Variants in P4HA1 observed in about 807,000 individuals in gnomAD.
P4HA1 encodes prolyl 4-hydroxylase subunit alpha-1.
In P4HA1, 24 loss-of-function variants were observed where a neutral mutation model predicts 72.8. The ratio of observed to expected loss-of-function variants is 0.33; its 90% confidence interval spans 0.24 to 0.46. The LOEUF (loss-of-function observed/expected upper bound fraction) is 0.46. Ranked by LOEUF, P4HA1 falls within the 20% of genes least tolerant of loss-of-function variation. P4HA1 has a pLI of 1.00. For synonymous variants in P4HA1, 201 were observed against 218.8 expected, an observed-to-expected ratio of 0.92 and a Z score of 0.72; for missense variants, 446 against 640.6, an observed-to-expected ratio of 0.70 and a Z score of 3.28.
At chr10:73,030,590 T>C (rs1170283438) in intron 9 of P4HA1, among the ~76,000 whole-genome samples, 1 of 152,126 alleles carries the variant, frequency 6.6e-6, no homozygotes, top group African/African-American at 2.4e-5. Context: ...AAAAAACTAA[T>C]CAAATTTATT....
chr10:73,021,754 G>T (rs1355594802), intron 10 of P4HA1, among the ~76,000 whole-genome samples: 1 of 152,226 alleles, frequency 6.6e-6, no homozygotes, highest in African/African-American at 2.4e-5. Flanking sequence ...AGCCATGACA[G>T]ACTGTACCTG....
intron 4 of P4HA1, among the ~76,000 whole-genome samples, chr10:73,070,142 CTTTTTTT>C (rs71021546): frequency 0.024 from 1,569 of 64,120 alleles, 36 homozygotes; most frequent in African/African-American, 0.065. Flanking sequence ...GAGACCAGGC[CTTTTTTT>C]TTTTTTTTTT....
At chr10:73,011,650 C>A (rs1333103206) in intron 12 of P4HA1, among the ~76,000 whole-genome samples, 2 of 151,910 alleles carry the variant, frequency 1.3e-5, no homozygotes, top group Admixed American at 6.6e-5. Flanking sequence ...ACCAAAGAAT[C>A]ACAAAAAACA....
Position 73,008,958 on chromosome 10 carries a change from C to T in P4HA1, c.1535-666G>A, listed in dbSNP as rs151032640. The stretch of plus-strand genomic sequence containing the variant: ...CATCAAACCCTGACAATTTTCCTTA[C>T]ATCTCTCTCAAATCTATTTGCTCTC... On this transcript the variant is annotated intron_variant, in intron 14 of 14. Coordinates refer to ENST00000394890, the MANE Select transcript of P4HA1 (RefSeq NM_001017962.3). Among the ~76,000 whole-genome samples the T allele has an allele frequency of 1.8e-3, 271 of 152,168 alleles. 3 individuals carry two copies. The highest frequency in any genetic ancestry group is 6.2e-3 in the African/African-American group (256 of 41,500).
intron 9 of P4HA1, among the ~76,000 whole-genome samples, chr10:73,040,824 T>C: frequency 6.6e-6 from 1 of 152,194 alleles, no homozygotes; most frequent in East Asian, 1.9e-4. Context: ...AGGATTTAGC[T>C]ATTTACAAAC....
chr10:73,050,629 G>A (rs919527950), intron 7 of P4HA1, among the ~76,000 whole-genome samples: 6 of 151,814 alleles, frequency 4.0e-5, no homozygotes, highest in African/African-American at 1.5e-4. Flanking sequence ...GAACCCAAGA[G>A]GCGGAATTTG....
intron 9 of P4HA1, among the ~76,000 whole-genome samples, chr10:73,035,715 G>A (rs1840553579): frequency 1.3e-5 from 2 of 152,176 alleles, no homozygotes; most frequent in Non-Finnish European, 2.9e-5. Context: ...ATTGCTAAAT[G>A]ACTTTTACAT....
intron 9 of P4HA1, among the ~76,000 whole-genome samples, chr10:73,035,497 C>G (rs1450914434): frequency 6.6e-6 from 1 of 152,116 alleles, no homozygotes; most frequent in Non-Finnish European, 1.5e-5. Flanking sequence ...GCCTTGGCAA[C>G]AGAATGAGAC....
At chr10:73,064,496 A>AAAGAAAAGC (rs1221005686) in intron 5 of P4HA1, among the ~76,000 whole-genome samples, 1 of 151,122 alleles carries the variant, frequency 6.6e-6, no homozygotes, top group East Asian at 2.0e-4. Flanking sequence ...TAAAGAAAAT[A>AAAGAAAAGC]AAGAAAATAA....
At chr10:73,027,326 TTCTCAGCAAAC>T (rs1157662100) in intron 10 of P4HA1, among the ~76,000 whole-genome samples, 10 of 151,734 alleles carry the variant, frequency 6.6e-5, no homozygotes, top group African/African-American at 2.4e-4. Flanking sequence ...GAAACCATCA[TTCTCAGCAAAC>T]TCTCACAAGG....
chr10:73,091,959 C>T (rs1279920993), intron 1 of P4HA1, among the ~76,000 whole-genome samples: 1 of 152,174 alleles, frequency 6.6e-6, no homozygotes, highest in Admixed American at 6.5e-5. Flanking sequence ...TGGATTATTG[C>T]TCTGAGGCCC....
At chr10:73,073,982 C>G in intron 2 of P4HA1, 155 bp from the exon 3 acceptor site, 1 of 619,710 alleles carries the variant, frequency 1.6e-6, no homozygotes, top group Non-Finnish European at 2.9e-6. Flanking sequence ...ACCAGATAAA[C>G]CAAAATAAAG....
intron 5 of P4HA1, among the ~76,000 whole-genome samples, chr10:73,057,486 T>C (rs773156881): frequency 6.6e-6 from 1 of 151,572 alleles, no homozygotes; most frequent in Non-Finnish European, 1.5e-5. Context: ...CGAGACTCCA[T>C]CTCTTAAAAA....
At chr10:73,023,040 C>T (rs542126592) in intron 10 of P4HA1, among the ~76,000 whole-genome samples, 95 of 152,138 alleles carry the variant, frequency 6.2e-4, no homozygotes, top group Non-Finnish European at 1.9e-4. Context: ...CTGAAAGTGA[C>T]GGGGAGAATG....
chr10:73,025,788 C>CA (rs1170265006), intron 10 of P4HA1, among the ~76,000 whole-genome samples: 1 of 152,112 alleles, frequency 6.6e-6, no homozygotes, highest in Non-Finnish European at 1.5e-5. Flanking sequence ...AATCAATGTG[C>CA]AAAAATCACA....
chr10:73,035,796 G>A (rs1221457433), intron 9 of P4HA1, among the ~76,000 whole-genome samples: 1 of 152,108 alleles, frequency 6.6e-6, no homozygotes, highest in African/African-American at 2.4e-5. Context: ...TAAAACCCTT[G>A]CCAGTTTCAA....
At chr10:73,013,762 T>C (rs1839958059) in intron 12 of P4HA1, among the ~76,000 whole-genome samples, 2 of 152,196 alleles carry the variant, frequency 1.3e-5, no homozygotes, top group African/African-American at 4.8e-5. Context: ...ATATGCTATT[T>C]CTTCATCTTA....
At chr10:73,029,642 G>GTTT (rs770544011) in intron 10 of P4HA1, among the ~76,000 whole-genome samples, 5 of 146,044 alleles carry the variant, frequency 3.4e-5, no homozygotes, top group African/African-American at 1.2e-4. Flanking sequence ...CCTATGCTTA[G>GTTT]TTTTTTTTTT....
chr10:73,048,943 G>C (rs1481587336), intron 7 of P4HA1, among the ~76,000 whole-genome samples: 1 of 152,050 alleles, frequency 6.6e-6, no homozygotes, highest in Admixed American at 6.6e-5. Context: ...GACCATCCTG[G>C]CTAACAAGGT....
Sources: gnomAD v4.1 joint callset for allele counts (sites outside exome capture counted in the v4.1 genomes callset) on GRCh38, gnomAD v4.1.1 for gene constraint, MANE v1.5 for transcripts, NCBI Gene and HGNC (gene_info 2026-07-23, HGNC 2026-07-21) for gene names.